Variants in AAK1 observed in about 807,000 individuals in gnomAD.
AAK1 encodes AP2-associated protein kinase 1.
A neutral mutation model predicts 116.0 loss-of-function variants in AAK1; 37 were observed. That is an observed-to-expected ratio of 0.32 (90% CI 0.25 to 0.42). AAK1 has a LOEUF of 0.42. AAK1 is among the 10% of genes least tolerant of loss of function. The pLI is 1.00. For synonymous variants in AAK1, 458 were observed against 439.9 expected, an observed-to-expected ratio of 1.04 and a Z score of -0.51; for missense variants, 919 against 1,170.6, an observed-to-expected ratio of 0.79 and a Z score of 3.14.
chr2:69,465,519 G>C lies in AAK1; in HGVS notation c.*10350C>G, dbSNP rs1228133134. On this transcript the variant is annotated 3_prime_UTR_variant, in exon 22 of 22. Transcript: ENST00000409085. ...AGTCCTGGAGGAAAGGGATGTGATA[G>C]AAACAGACCCAGCTATCGACTGCTT... 5 of 1,290,964 alleles carry C rather than the reference G, an allele frequency of 3.9e-6. No individual in the cohort carries two copies. Among genetic ancestry groups the C allele is most frequent in the Non-Finnish European group, 5.1e-6 (5 of 988,892 alleles). The allele number at this position is 1,290,964 out of a possible 1,614,324, so 80.0% of individuals were successfully genotyped here. A position where few individuals can be genotyped will look rare whatever the true frequency, so the allele number is the denominator to read the frequency against.
rs902572679 is a variant in AAK1, at chr2:69,467,499, C to G, written c.*8370G>C. On this transcript the variant is annotated 3_prime_UTR_variant, in exon 22 of 22. Transcript: ENST00000409085. ...CAGGAAAAAGGCATATGTAACTAAG[C>G]AAGAAGAATCCAGAGAAAGGGTGGT... 11 of 985,192 alleles carry G rather than the reference C, an allele frequency of 1.1e-5. No homozygotes were observed. The highest frequency in any genetic ancestry group is 1.1e-5 in the Non-Finnish European group (9 of 829,918). 61.0% of individuals were successfully genotyped at this position (985,192 alleles called of 1,614,324 possible). A position where few individuals can be genotyped will look rare whatever the true frequency, so the allele number is the denominator to read the frequency against.
chr2:69,537,780 A>G (rs762139491), intron 5 of AAK1, among the ~76,000 whole-genome samples: 3 of 152,244 alleles, frequency 2.0e-5, no homozygotes, highest in African/African-American at 4.8e-5. Flanking sequence ...ACTAGCAGAC[A>G]GCAATAAAAT....
rs1370781617 is a variant in AAK1, at chr2:69,530,149, T to C, written c.739-9A>G. 2.5e-6 allele frequency: 4 copies of C among 1,602,602 alleles called. No homozygotes were observed. In the South Asian group the frequency reaches 3.4e-5, roughly 14 times the overall value. On this transcript the variant is annotated splice_polypyrimidine_tract_variant and intron_variant, in intron 7 of 21. Coordinates refer to ENST00000409085, the MANE Select transcript of AAK1 (RefSeq NM_014911.5). ...AACAAACATCCAAGAGCCTAAAAAA[T>C]AAAGATAGCAGATTGCTACTAGTGG...
In AAK1 at chr2:69,464,322, A is replaced by T. The variant is rs1446503032; in HGVS notation, c.*11547T>A. On this transcript the variant is annotated 3_prime_UTR_variant, in exon 22 of 22. Transcript: ENST00000409085. The stretch of plus-strand genomic sequence containing the variant: ...TTTAGCCCACATACTGAGAGGCCGG[A>T]ACTGTAACAAGGTGCTCTTTTCTAG... 1 of 152,254 alleles carries T rather than the reference A, an allele frequency of 6.6e-6. No individual in the cohort carries two copies. Among genetic ancestry groups the T allele is most frequent in the Non-Finnish European group, 1.5e-5 (1 of 68,040 alleles). The allele number at this position is 152,254 out of a possible 1,614,324, so 9.4% of individuals were successfully genotyped here.
rs968824776 is a variant in AAK1 at position 69,481,026 on chromosome 2, A to G, written c.2468-65T>C. ...AAAGGGAGTCAGAAGTTTCTTTAGG[A>G]AATTCTGTGAAGCTTTCTTCTTTTT... On this transcript the variant is annotated intron_variant, in intron 18 of 21. Coordinates refer to ENST00000409085, the MANE Select transcript of AAK1 (RefSeq NM_014911.5). The G allele has an allele frequency of 7.0e-6, 9 of 1,288,748 alleles. No individual in the cohort carries two copies. In the African/African-American group the frequency reaches 1.4e-4, roughly 19 times the overall value. 79.8% of individuals were successfully genotyped at this position (1,288,748 alleles called of 1,614,324 possible). A position where few individuals can be genotyped will look rare whatever the true frequency, so the allele number is the denominator to read the frequency against.
At chr2:69,609,905 C>T (rs1673993409) in intron 2 of AAK1, among the ~76,000 whole-genome samples, 1 of 151,608 alleles carries the variant, frequency 6.6e-6, no homozygotes, top group African/African-American at 2.4e-5. Flanking sequence ...AAAAAATTAG[C>T]CGAGCATGGT....
chr2:69,584,755 A>T (rs1033418057), intron 2 of AAK1, among the ~76,000 whole-genome samples: 5 of 152,236 alleles, frequency 3.3e-5, no homozygotes, highest in African/African-American at 1.2e-4. Flanking sequence ...ATCCCAGGTC[A>T]GCATCAAGTC....
chr2:69,549,180 C>A (rs913588293), intron 3 of AAK1, among the ~76,000 whole-genome samples: 2 of 152,106 alleles, frequency 1.3e-5, no homozygotes, highest in Non-Finnish European at 2.9e-5. Flanking sequence ...ACCAGCCTGA[C>A]CAACATGGTG....
At chr2:69,608,179 G>A (rs980739114) in intron 2 of AAK1, among the ~76,000 whole-genome samples, 1 of 152,192 alleles carries the variant, frequency 6.6e-6, no homozygotes, top group Admixed American at 6.5e-5. Flanking sequence ...GGACACAAAA[G>A]AAGGCTAGGG....
chr2:69,536,124 C>T (rs1166729878), intron 5 of AAK1, among the ~76,000 whole-genome samples: 1 of 152,184 alleles, frequency 6.6e-6, no homozygotes. Flanking sequence ...CTCAGGCCAC[C>T]GGACTGCCAG....
chr2:69,525,104 G>T lies in AAK1; in HGVS notation c.984C>A (p.Pro328=). The change falls in exon 10 of 22, where the codon CCC becomes CCA. Residue 328 remains proline (P), a synonymous_variant. Transcript: ENST00000409085. ...CTGGTTCAGGAAGCTTTGCAGGAAT[G>T]GGAGAGTTCTATAGAATTGCAAACA... is the stretch of plus-strand genomic sequence containing the variant. The part of the protein sequence containing the change: ...ECPIPNVQNS[P]IPAKLPEPVK... 1 of 1,613,874 alleles carries T rather than the reference G, an allele frequency of 6.2e-7. No individual in the cohort carries two copies. Among genetic ancestry groups the T allele is most frequent in the Non-Finnish European group, 8.5e-7 (1 of 1,179,792 alleles).
intron 2 of AAK1, among the ~76,000 whole-genome samples, chr2:69,602,149 T>C (rs188969637): frequency 2.2e-4 from 33 of 152,270 alleles, no homozygotes; most frequent in Admixed American, 9.2e-4. Flanking sequence ...TGAAAGACAA[T>C]GTAAGATTAA....
intron 2 of AAK1, among the ~76,000 whole-genome samples, chr2:69,623,439 C>T (rs1480574546): frequency 6.6e-6 from 1 of 152,158 alleles, no homozygotes; most frequent in Non-Finnish European, 1.5e-5. Context: ...CTCGTAGATG[C>T]CCTTCCTCCA....
At chr2:69,536,009 T>A (rs1670455148) in intron 5 of AAK1, among the ~76,000 whole-genome samples, 1 of 152,246 alleles carries the variant, frequency 6.6e-6, no homozygotes, top group Non-Finnish European at 1.5e-5. Flanking sequence ...GTATTTCATA[T>A]AATCCTTACA....
At chr2:69,572,587 C>G (rs1192074414) in intron 2 of AAK1, among the ~76,000 whole-genome samples, 1 of 148,532 alleles carries the variant, frequency 6.7e-6, no homozygotes, top group Non-Finnish European at 1.5e-5. Context: ...CCACTGCACT[C>G]CAGCCTGGGC....
At chr2:69,526,235 C>A (rs1194226392) in intron 9 of AAK1, among the ~76,000 whole-genome samples, 1 of 152,142 alleles carries the variant, frequency 6.6e-6, no homozygotes, top group Non-Finnish European at 1.5e-5. Context: ...GGTCAAGCTG[C>A]ATCTTCTGAC....
At chr2:69,582,490 A>C (rs1672591253) in intron 2 of AAK1, among the ~76,000 whole-genome samples, 1 of 152,114 alleles carries the variant, frequency 6.6e-6, no homozygotes, top group Non-Finnish European at 1.5e-5. Flanking sequence ...GGTGGTGAGG[A>C]AGTTTGCCCA....
In AAK1 at chr2:69,507,406, A is replaced by G. The variant is rs933370276; in HGVS notation, c.2164+15T>C. On this transcript the variant is annotated intron_variant, in intron 15 of 21. Coordinates refer to ENST00000409085, the MANE Select transcript of AAK1 (RefSeq NM_014911.5). The stretch of plus-strand genomic sequence containing the variant: ...CTATAATCAAGAAGCACAAAAAAAG[A>G]CACAGCTTACTCACCTTCCCCAAGC... 1.7e-5 allele frequency: 28 copies of G among 1,608,806 alleles called. No individual in the cohort carries two copies. In the African/African-American group the frequency reaches 3.6e-4, roughly 21 times the overall value.
chr2:69,525,170 AAAG>A (rs751514934), intron 9 of AAK1, 58 bp from the exon 10 acceptor site: 7 of 1,561,186 alleles, frequency 4.5e-6, no homozygotes, highest in Non-Finnish European at 6.2e-6. Flanking sequence ...TTTCTTTGTT[AAAG>A]AATAAGCAGC....
Sources: allele counts gnomAD v4.1 joint callset (sites outside exome capture counted in the v4.1 genomes callset), GRCh38; gene constraint gnomAD v4.1.1; transcripts MANE v1.5; gene names NCBI Gene and HGNC (gene_info 2026-07-23, HGNC 2026-07-21).